PANK2: variants seen among roughly 807,000 people sequenced by gnomAD.
PANK2 encodes the protein pantothenate kinase 2.
A neutral mutation model predicts 43.1 loss-of-function variants in PANK2; 36 were observed. The ratio of observed to expected loss-of-function variants is 0.84; its 90% CI spans 0.64 to 1.10. The LOEUF (loss-of-function observed/expected upper bound fraction) is 1.10, where lower values mean the gene tolerates loss of function less well. Ranked by LOEUF, PANK2 falls within the 50% of genes least tolerant of loss-of-function variation. PANK2 has a pLI of 0.00. For missense variants in PANK2, 576 were observed against 593.3 expected (o/e 0.97, Z 0.30); for synonymous variants, 281 against 238.2 (o/e 1.18, Z -1.66).
chr20:3,890,035 A>C, intron 1 of PANK2: 2 of 916,694 alleles, frequency 2.2e-6, no homozygotes, highest in African/African-American at 1.7e-5. Flanking sequence ...ACATGATTTT[A>C]TCCTCGAGAA....
rs2090681362 is a variant in PANK2 at position 3,923,671 on chromosome 20, C to T, written c.*377C>T. 1.3e-5 allele frequency: 4 copies of T among 318,778 alleles called. No homozygotes were observed. Among genetic ancestry groups the T allele is most frequent in the South Asian group, 1.1e-4 (3 of 27,454 alleles). The allele number at this position is 318,778 out of a possible 1,614,324, so 19.7% of individuals were successfully genotyped here. A position where few individuals can be genotyped will look rare whatever the true frequency, so the allele number is the denominator to read the frequency against. ...AACTTGCTGAATGTAAGGCAGGCTACTATGCGTTATAATCTAATCACAATT... is the reference window on the plus strand; with the variant it reads ...AACTTGCTGAATGTAAGGCAGGCTATTATGCGTTATAATCTAATCACAATT... On this transcript the variant is annotated 3_prime_UTR_variant, in exon 7 of 7. Coordinates refer to ENST00000610179, the MANE Select transcript of PANK2 (RefSeq NM_001386393.1).
intron 1 of PANK2, among the ~76,000 whole-genome samples, chr20:3,894,211 G>A (rs952928139): frequency 1.3e-5 from 2 of 151,362 alleles, no homozygotes; most frequent in Admixed American, 6.6e-5. Context: ...GATTACAGGT[G>A]TGAGCCACCG....
chr20:3,916,748 G>C (rs970173352), intron 4 of PANK2, among the ~76,000 whole-genome samples, 179 bp from the exon 5 acceptor site: 1 of 152,192 alleles, frequency 6.6e-6, no homozygotes, highest in African/African-American at 2.4e-5. Flanking sequence ...GAATGTTGGA[G>C]GGCTCTGTTT....
Position 3,927,003 on chromosome 20 carries a change from A to C in PANK2, c.*3709A>C, listed in dbSNP as rs1416836121. On this transcript the variant is annotated 3_prime_UTR_variant, in exon 7 of 7. Transcript: ENST00000610179. The stretch of plus-strand genomic sequence containing the variant: ...ACCCTGGTGCTGGCGTTCACGTGGA[A>C]GACTGCTTATCTGTATCCAGCTGTT... The C allele has an allele frequency of 1.3e-5, 2 of 154,292 alleles. No individual in the cohort carries two copies. Among genetic ancestry groups the C allele is most frequent in the Non-Finnish European group, 2.9e-5 (2 of 69,998 alleles). 9.6% of individuals were successfully genotyped at this position (154,292 alleles called of 1,614,324 possible).
chr20:3,897,539 A>G (rs1460663437), intron 1 of PANK2, among the ~76,000 whole-genome samples: 2 of 151,960 alleles, frequency 1.3e-5, no homozygotes, highest in Admixed American at 1.3e-4. Flanking sequence ...CGTCTCTACA[A>G]AAAATTAGCT....
chr20:3,897,931 T>C (rs2090236041), intron 1 of PANK2, among the ~76,000 whole-genome samples: 1 of 151,830 alleles, frequency 6.6e-6, no homozygotes, highest in Non-Finnish European at 1.5e-5. Context: ...CTTGAACAAC[T>C]GGGAGGCGGA....
intron 1 of PANK2, among the ~76,000 whole-genome samples, chr20:3,892,275 T>TG (rs1234631949): frequency 6.7e-6 from 1 of 149,168 alleles, no homozygotes; most frequent in Non-Finnish European, 1.5e-5. Flanking sequence ...ACCTGGGAGG[T>TG]GGAGGTTGCA....
Position 3,894,686 on chromosome 20 carries a change from C to G in PANK2, c.298+4958C>G, listed in dbSNP as rs574412450. 2.4e-4 allele frequency among the ~76,000 whole-genome samples: 36 copies of G among 152,156 alleles called. 1 individual carries two copies. The South Asian group carries it at 7.3e-3, about 31-fold the overall frequency. On this transcript the variant is annotated intron_variant, in intron 1 of 6. Coordinates refer to ENST00000610179, the MANE Select transcript of PANK2 (RefSeq NM_001386393.1). ...CTCTGTCTCCCAGGTTCAAGTGATT[C>G]TCCTGCCTCAGCCTCCTGAGTAGCT...
chr20:3,910,474 G>A, intron 2 of PANK2, 103 bp from the exon 3 acceptor site: 2 of 1,269,740 alleles, frequency 1.6e-6, no homozygotes, highest in South Asian at 2.4e-5. Context: ...ATCTGTGAGT[G>A]CACTTTCATG....
chr20:3,908,284 C>T lies in PANK2; in HGVS notation c.651+6C>T, dbSNP rs1271120429. 1 of 1,581,364 alleles carries T rather than the reference C, an allele frequency of 6.3e-7. No homozygotes were observed. Among genetic ancestry groups the T allele is most frequent in the Non-Finnish European group, 8.6e-7 (1 of 1,160,126 alleles). ...TTGAGCAGGATTTTCTCACAGTATG[C>T]ATTTTTTAGCTTATATACAATTTAT... On this transcript the variant is annotated splice_donor_region_variant and intron_variant, in intron 2 of 6. Coordinates refer to ENST00000610179, the MANE Select transcript of PANK2 (RefSeq NM_001386393.1).
intron 1 of PANK2, among the ~76,000 whole-genome samples, chr20:3,907,097 G>GC (rs1386980712): frequency 3.5e-5 from 3 of 85,082 alleles, no homozygotes; most frequent in African/African-American, 1.2e-4. Context: ...GCCCAGCCCT[G>GC]CCTTTTTTTT....
In PANK2 at chr20:3,892,830, A is replaced by C. The variant is rs77682219; in HGVS notation, c.298+3102A>C. Among the ~76,000 whole-genome samples the C allele has an allele frequency of 8.5e-3, 1,301 of 152,178 alleles. 25 individuals are homozygous for C. Among genetic ancestry groups the C allele is most frequent in the African/African-American group, 0.03 (1,244 of 41,506 alleles). On this transcript the variant is annotated intron_variant, in intron 1 of 6. Transcript: ENST00000610179. ...AGTCGTGTTCTGTCACGCGTTTCCTAGAGCAGTGTAGTTCCCAAACCGGCC... is the reference window on the plus strand; with the variant it reads ...AGTCGTGTTCTGTCACGCGTTTCCTCGAGCAGTGTAGTTCCCAAACCGGCC...
chr20:3,927,819 C>T lies in PANK2; in HGVS notation c.*4525C>T, dbSNP rs1487681360. 2 of 152,286 alleles carry T rather than the reference C, an allele frequency of 1.3e-5. No homozygotes were observed. The highest frequency in any genetic ancestry group is 2.4e-5 in the African/African-American group (1 of 41,454). The allele number at this position is 152,286 out of a possible 1,614,324, so 9.4% of individuals were successfully genotyped here. ...GGCAAAGGGAGCTGAGAAGAGAGTT[C>T]CCCCAAAGCACAAACAAGTCTGCTG... On this transcript the variant is annotated 3_prime_UTR_variant, in exon 7 of 7. Coordinates refer to ENST00000610179, the MANE Select transcript of PANK2 (RefSeq NM_001386393.1).
intron 1 of PANK2, among the ~76,000 whole-genome samples, chr20:3,898,570 A>G (rs1034314903): frequency 3.3e-5 from 5 of 152,100 alleles, no homozygotes; most frequent in Non-Finnish European, 5.9e-5. Context: ...CTTTGGGTAT[A>G]TCCTATTGGT....
At chr20:3,915,834 T>A (rs577186456) in intron 4 of PANK2, among the ~76,000 whole-genome samples, 1 of 152,244 alleles carries the variant, frequency 6.6e-6, no homozygotes, top group African/African-American at 2.4e-5. Context: ...TCCATTGATA[T>A]ATATGTCTGT....
At position 3,906,948 on chromosome 20, in the gene PANK2, G is replaced by A. The variant is rs547192972; in HGVS notation, c.299-978G>A. Reference sequence around the variant, plus strand: ...GGAGTAGCTGGGACTACAAGCGCACGCCACCACAGCCAGCTGATTTCTGTA... The same window carrying A: ...GGAGTAGCTGGGACTACAAGCGCACACCACCACAGCCAGCTGATTTCTGTA... On this transcript the variant is annotated intron_variant, in intron 1 of 6. Coordinates refer to ENST00000610179, the MANE Select transcript of PANK2 (RefSeq NM_001386393.1). 1.6e-3 allele frequency among the ~76,000 whole-genome samples: 240 copies of A among 151,982 alleles called. 1 individual carries two copies. Among genetic ancestry groups the A allele is most frequent in the African/African-American group, 5.3e-3 (219 of 41,448 alleles).
chr20:3,892,767 A>G (rs1262640393), intron 1 of PANK2, among the ~76,000 whole-genome samples: 1 of 151,522 alleles, frequency 6.6e-6, no homozygotes, highest in Non-Finnish European at 1.5e-5. Context: ...CGAAGGAGCT[A>G]TTCAGGTTAT....
chr20:3,901,692 TAAA>T, intron 1 of PANK2: 1 of 783,966 alleles, frequency 1.3e-6, no homozygotes, highest in Non-Finnish European at 1.5e-6. Context: ...GCTCTTGGAT[TAAA>T]AAAAAGTTTC....
At chr20:3,889,103 G>A (rs1356874787), upstream of PANK2, 1 of 1,543,226 alleles carries the variant, frequency 6.5e-7, no homozygotes, top group East Asian at 2.4e-5. Context: ...GGGGGTGGAT[G>A]AGGAGGCTCG....
Sources: allele counts gnomAD v4.1 joint callset (sites outside exome capture counted in the v4.1 genomes callset), GRCh38; gene constraint gnomAD v4.1.1; transcripts MANE v1.5; gene names NCBI Gene and HGNC (gene_info 2026-07-23, HGNC 2026-07-21).